The following SFXN5 variants were observed in gnomAD, a reference collection of about 807,000 sequenced individuals.
The protein encoded by SFXN5 is sideroflexin 5, also known as sideroflexin-5.
SFXN5 carries 43 observed loss-of-function variants against 50.2 expected under a neutral mutation model. The ratio of observed to expected loss-of-function variants is 0.86; its 90% CI spans 0.67 to 1.11. SFXN5 has a LOEUF of 1.11. Ranked by LOEUF, SFXN5 falls within the 50% of genes least tolerant of loss-of-function variation. The pLI is 0.00. For synonymous variants in SFXN5, 203 were observed against 185.8 expected, an observed-to-expected ratio of 1.09 and a Z score of -0.75; for missense variants, 463 against 454.1, an observed-to-expected ratio of 1.02 and a Z score of -0.18.
intron 3 of SFXN5, among the ~76,000 whole-genome samples, chr2:73,039,296 T>A (rs1679322666): frequency 1.3e-5 from 2 of 152,204 alleles, no homozygotes; most frequent in Admixed American, 6.5e-5. Context: ...CTTTATGTGG[T>A]GTATGACTGT....
At chr2:73,059,337 G>A (rs763374361) in intron 1 of SFXN5, 161 of 985,310 alleles carry the variant, frequency 1.6e-4, no homozygotes, top group Non-Finnish European at 1.9e-4. Context: ...TGCCAAGCTC[G>A]GGGATGAAGG....
intron 2 of SFXN5, among the ~76,000 whole-genome samples, chr2:73,048,826 T>C (rs1680850448): frequency 6.6e-6 from 1 of 152,222 alleles, no homozygotes; most frequent in South Asian, 2.1e-4. Context: ...GGAAGTGAGA[T>C]TTCTGAATGA....
intron 13 of SFXN5, among the ~76,000 whole-genome samples, chr2:72,958,172 G>A (rs2105366048): frequency 6.6e-6 from 1 of 152,266 alleles, no homozygotes. Context: ...ACCTGCCAAA[G>A]ACCTACAGCT....
intron 1 of SFXN5, among the ~76,000 whole-genome samples, chr2:73,060,398 C>G (rs1205253172): frequency 6.6e-6 from 1 of 152,070 alleles, no homozygotes. Flanking sequence ...GAAAACAACA[C>G]AAACCCACAC....
chr2:72,968,326 T>C (rs1013518172), intron 12 of SFXN5, 122 bp downstream of exon 12: 3 of 811,544 alleles, frequency 3.7e-6, no homozygotes, highest in African/African-American at 3.4e-5. Flanking sequence ...CCTTCCACCC[T>C]CTACACAAAC....
chr2:72,960,419 G>A lies in SFXN5; in HGVS notation c.945+712C>T, dbSNP rs971420586. 1.4e-4 allele frequency among the ~76,000 whole-genome samples: 21 copies of A among 152,078 alleles called. No homozygotes were observed. The highest frequency in any genetic ancestry group is 3.9e-4 in the African/African-American group (16 of 41,468). On this transcript the variant is annotated intron_variant, in intron 13 of 13. Transcript: ENST00000272433. This position sits in a 1 kb window ranked among gnomAD's most constrained non-coding sequence, Gnocchi z 6.1. ...AAGCCGCCTCCTGACTCCCTCTTTA[G>A]GGACCCACTTCTCTCCATGCCCACT...
chr2:73,017,928 T>C (rs541479515), intron 6 of SFXN5, among the ~76,000 whole-genome samples: 2 of 152,296 alleles, frequency 1.3e-5, no homozygotes, highest in Admixed American at 1.3e-4. Context: ...AAGAGAGTAC[T>C]GTACAGACAA....
intron 2 of SFXN5, among the ~76,000 whole-genome samples, chr2:73,053,954 A>G (rs993479366): frequency 6.6e-6 from 1 of 152,144 alleles, no homozygotes; most frequent in Non-Finnish European, 1.5e-5. Context: ...TCCAGCATTG[A>G]GGGGGAGCCT....
chr2:73,019,760 G>A (rs1676627074), intron 6 of SFXN5: 1 of 156,102 alleles, frequency 6.4e-6, no homozygotes, highest in South Asian at 1.9e-4. Context: ...AATTTACCAA[G>A]CTGTACATTT....
At chr2:73,004,875 T>C (rs1387454461) in intron 6 of SFXN5, among the ~76,000 whole-genome samples, 2 of 152,260 alleles carry the variant, frequency 1.3e-5, no homozygotes, top group African/African-American at 2.4e-5. Context: ...AACTTCCTTT[T>C]TTCTTTTTAA....
chr2:73,006,926 T>C (rs1166406184), intron 6 of SFXN5, among the ~76,000 whole-genome samples: 1 of 152,194 alleles, frequency 6.6e-6, no homozygotes, highest in Non-Finnish European at 1.5e-5. Flanking sequence ...TTGAGCCTAG[T>C]CTCAAGACAG....
At chr2:72,970,427 T>C (rs1393232728) in intron 11 of SFXN5, among the ~76,000 whole-genome samples, 1 of 152,114 alleles carries the variant, frequency 6.6e-6, no homozygotes. Flanking sequence ...GGCACTGACT[T>C]GGAGAGAGCT....
At chr2:73,040,770 G>T in intron 3 of SFXN5, 84 bp downstream of exon 3, 1 of 1,137,036 alleles carries the variant, frequency 8.8e-7, no homozygotes, top group Non-Finnish European at 1.3e-6. Flanking sequence ...GAAAGAAGTG[G>T]TTCTGGCTGC....
At position 72,944,838 on chromosome 2, in the gene SFXN5, C is replaced by T; in HGVS notation, c.*184G>A. The T allele has an allele frequency of 1.7e-6, 1 of 582,514 alleles. No individual in the cohort carries two copies. Among genetic ancestry groups the T allele is most frequent in the Non-Finnish European group, 3.1e-6 (1 of 326,040 alleles). 36.1% of individuals were successfully genotyped at this position (582,514 alleles called of 1,614,324 possible). ...TTTTTGTACGAAATGTGTTAGAACT[C>T]CTCTTGCCTATGTTAAAATGTGAAT... is the stretch of plus-strand genomic sequence containing the variant. On this transcript the variant is annotated 3_prime_UTR_variant, in exon 14 of 14. Transcript: ENST00000272433.
chr2:73,029,302 G>A (rs1388571287), intron 3 of SFXN5, among the ~76,000 whole-genome samples: 2 of 152,184 alleles, frequency 1.3e-5, no homozygotes, highest in Non-Finnish European at 2.9e-5. Flanking sequence ...GGCGTTACTT[G>A]TACTAACATT....
chr2:72,952,474 A>C lies in SFXN5; in HGVS notation c.946-7375T>G, dbSNP rs138514955. ...AGCTCGGTATCCCTATGCCTTGTGC[A>C]CAGTAGGTCCTCAGTAACAGCTGAG... On this transcript the variant is annotated intron_variant, in intron 13 of 13. Coordinates refer to ENST00000272433, the MANE Select transcript of SFXN5 (RefSeq NM_144579.3). Among the ~76,000 whole-genome samples, 741 of 152,298 alleles carry C rather than the reference A, an allele frequency of 4.9e-3. 6 individuals carry two copies. The highest frequency in any genetic ancestry group is 0.017 in the African/African-American group (711 of 41,568).
At chr2:72,974,623 G>A (rs1436073852) in intron 10 of SFXN5, among the ~76,000 whole-genome samples, 2 of 152,164 alleles carry the variant, frequency 1.3e-5, no homozygotes, top group Non-Finnish European at 2.9e-5. Flanking sequence ...GTGTACATTG[G>A]TTGGCCTTTA....
At chr2:72,991,989 G>A (rs1013087792) in intron 9 of SFXN5, among the ~76,000 whole-genome samples, 1 of 152,210 alleles carries the variant, frequency 6.6e-6, no homozygotes, top group African/African-American at 2.4e-5. Context: ...TGGTAGATGG[G>A]GAAAACAAAC....
intron 10 of SFXN5, among the ~76,000 whole-genome samples, chr2:72,972,370 C>T (rs142149392): frequency 3.1e-3 from 467 of 152,318 alleles, no homozygotes; most frequent in Middle Eastern, 0.01. Flanking sequence ...GCAGGAGCAG[C>T]GGGCTGAGTT....
Sources: allele counts gnomAD v4.1 joint callset (sites outside exome capture counted in the v4.1 genomes callset), GRCh38; gene constraint gnomAD v4.1.1; non-coding constraint Gnocchi (gnomAD v3.1); transcripts MANE v1.5; gene names NCBI Gene and HGNC (gene_info 2026-07-23, HGNC 2026-07-21).